The following PRKCQ variants were observed in gnomAD, a reference collection of about 807,000 sequenced individuals.
PRKCQ encodes the protein protein kinase C theta type.
In PRKCQ, 41 loss-of-function variants were observed where a neutral mutation model predicts 91.2. That is an observed-to-expected ratio of 0.45 (90% CI 0.35 to 0.58). The LOEUF (loss-of-function observed/expected upper bound fraction) is 0.58, where lower values mean the gene tolerates loss of function less well. Among genes scored for constraint, PRKCQ ranks in the 20% least tolerant of loss-of-function variants. The pLI is 0.00. For synonymous variants in PRKCQ, 307 were observed against 316.9 expected (o/e 0.97, Z 0.33); for missense variants, 673 against 896.5 (o/e 0.75, Z 3.18).
Position 6,553,517 on chromosome 10 carries a change from ACAAAC to A in PRKCQ, c.-10+26689_-10+26693del, listed in dbSNP as rs1372815498. On this transcript the variant is annotated intron_variant, in intron 1 of 17. Transcript: ENST00000263125. ...AAAAAAAAAAAAAAAAAAAAAAAAA[ACAAAC>A]AAACAAAAGAAGAAGAAGAAGAAAG... Among the ~76,000 whole-genome samples the A allele has an allele frequency of 6.8e-4, 98 of 145,182 alleles. 2 individuals are homozygous for A. Among genetic ancestry groups the A allele is most frequent in the African/African-American group, 2.6e-3 (94 of 36,090 alleles).
At chr10:6,395,531 G>A in the PRKCQ span, among the ~76,000 whole-genome samples, 1 of 152,138 alleles carries the variant, frequency 6.6e-6, no homozygotes, top group African/African-American at 2.4e-5. Context: ...AGCAGCTTAG[G>A]GAGGGTCAGA....
At chr10:6,510,412 A>G (rs1373766859) in intron 3 of PRKCQ, among the ~76,000 whole-genome samples, 1 of 152,238 alleles carries the variant, frequency 6.6e-6, no homozygotes, top group East Asian at 1.9e-4. Flanking sequence ...CAAAGTATAG[A>G]GAGAGAAGAC....
At chr10:6,496,749 A>G (rs1342122194) in intron 7 of PRKCQ, among the ~76,000 whole-genome samples, 3 of 151,306 alleles carry the variant, frequency 2.0e-5, no homozygotes, top group Non-Finnish European at 2.9e-5. Context: ...GTCCTGGTTC[A>G]CTGCAACCTC....
chr10:6,427,595 C>A lies in PRKCQ; in HGVS notation c.*612G>T, dbSNP rs1363488467. Reference sequence around the variant, plus strand: ...TCTCACTTTCCACTTGTCCTCTTGACCATGGATTTCATGCCCAATCAGGAT... The same window carrying A: ...TCTCACTTTCCACTTGTCCTCTTGAACATGGATTTCATGCCCAATCAGGAT... On this transcript the variant is annotated 3_prime_UTR_variant, in exon 18 of 18. Coordinates refer to ENST00000263125, the MANE Select transcript of PRKCQ (RefSeq NM_006257.5). 6.6e-6 allele frequency: 1 copy of A among 152,446 alleles called. No homozygotes were observed. Among genetic ancestry groups the A allele is most frequent in the Non-Finnish European group, 1.5e-5 (1 of 68,248 alleles). 9.4% of individuals were successfully genotyped at this position (152,446 alleles called of 1,614,324 possible).
Position 6,497,113 on chromosome 10 carries a change from A to G in PRKCQ, c.582T>C (p.Asn194=). Reference sequence around the variant, plus strand: ...CAATACACTTCTTGTGAATTGCTGCATTGCATTCTGAAAAGAAGAAAAAAA... The same window carrying G: ...CAATACACTTCTTGTGAATTGCTGCGTTGCATTCTGAAAAGAAGAAAAAAA... ...NKQGYQCRQC[N]AAIHKKCIDK... The change falls in exon 7 of 18, where the codon AAT becomes AAC. Residue 194 remains asparagine, a synonymous_variant. Coordinates refer to ENST00000263125, the MANE Select transcript of PRKCQ (RefSeq NM_006257.5). The surrounding 1 kb of genome is among the most constrained non-coding windows in gnomAD (Gnocchi z 4.5). 1.2e-6 allele frequency: 2 copies of G among 1,614,042 alleles called. No individual in the cohort carries two copies. Among genetic ancestry groups the G allele is most frequent in the Non-Finnish European group, 1.7e-6 (2 of 1,179,976 alleles).
chr10:6,435,372 G>GGAAT, intron 16 of PRKCQ, among the ~76,000 whole-genome samples: 1 of 152,308 alleles, frequency 6.6e-6, no homozygotes, highest in East Asian at 1.9e-4. Context: ...TCTGAGAAAG[G>GGAAT]GCATTACCTT....
intron 8 of PRKCQ, among the ~76,000 whole-genome samples, chr10:6,487,959 C>A (rs629786): frequency 6.8e-6 from 1 of 146,578 alleles, no homozygotes; most frequent in Non-Finnish European, 1.5e-5. Flanking sequence ...GAGCTGAGAT[C>A]GTGCCACTGT....
chr10:6,394,957 C>G, the PRKCQ span, among the ~76,000 whole-genome samples: 6 of 152,100 alleles, frequency 3.9e-5, no homozygotes, highest in Non-Finnish European at 7.4e-5. Context: ...AGTGGGTTCA[C>G]CTTGCCCGCC....
chr10:6,447,729 G>A (rs959877249), intron 15 of PRKCQ, among the ~76,000 whole-genome samples: 2 of 152,206 alleles, frequency 1.3e-5, no homozygotes, highest in African/African-American at 4.8e-5. Flanking sequence ...GCAGTTGTGT[G>A]TTCCTGTGTT....
At chr10:6,543,778 TG>T (rs1839856325) in intron 1 of PRKCQ, among the ~76,000 whole-genome samples, 1 of 152,130 alleles carries the variant, frequency 6.6e-6, no homozygotes. Flanking sequence ...TGGAGGAAAC[TG>T]GGGGGTCGGC....
chr10:6,452,605 G>C (rs919020219), intron 15 of PRKCQ, among the ~76,000 whole-genome samples: 1 of 149,114 alleles, frequency 6.7e-6, no homozygotes, highest in Non-Finnish European at 1.5e-5. Flanking sequence ...AAAAGAACCC[G>C]CATCACCAAG....
the PRKCQ span, among the ~76,000 whole-genome samples, chr10:6,399,922 A>G: frequency 1.3e-5 from 2 of 151,958 alleles, no homozygotes; most frequent in Admixed American, 1.3e-4. Flanking sequence ...TCTGGCATCA[A>G]TCGGGGGTTG....
At chr10:6,415,354 C>T in the PRKCQ span, among the ~76,000 whole-genome samples, 1 of 143,824 alleles carries the variant, frequency 7.0e-6, no homozygotes, top group East Asian at 2.0e-4. Flanking sequence ...ATATTGTAAT[C>T]AAATTTCTTA....
chr10:6,443,127 T>A (rs1334312884), intron 15 of PRKCQ, among the ~76,000 whole-genome samples: 1 of 152,086 alleles, frequency 6.6e-6, no homozygotes, highest in East Asian at 1.9e-4. Flanking sequence ...ACCAACCCAC[T>A]CTTCTGGCAA....
At chr10:6,422,862 T>C (rs558390731), downstream of PRKCQ, among the ~76,000 whole-genome samples, 6 of 152,352 alleles carry the variant, frequency 3.9e-5, no homozygotes, top group South Asian at 6.2e-4. Flanking sequence ...TGAGACATCA[T>C]TGATCACTGT....
chr10:6,560,773 C>G (rs970946339), intron 1 of PRKCQ, among the ~76,000 whole-genome samples: 2 of 152,180 alleles, frequency 1.3e-5, no homozygotes, highest in Non-Finnish European at 2.9e-5. Context: ...GGCGCGGTGT[C>G]TCATGTCTGT....
At position 6,457,139 on chromosome 10, in the gene PRKCQ, T is replaced by A. The variant is rs148993285; in HGVS notation, c.1509-327A>T. ...AGGAGGAAAACCTAAAAAATATACTTACTGTATGCCATTTTCTACATATTT... is the reference window on the plus strand; with the variant it reads ...AGGAGGAAAACCTAAAAAATATACTAACTGTATGCCATTTTCTACATATTT... On this transcript the variant is annotated intron_variant, in intron 14 of 17. Coordinates refer to ENST00000263125, the MANE Select transcript of PRKCQ (RefSeq NM_006257.5). Among the ~76,000 whole-genome samples, 164 of 152,324 alleles carry A rather than the reference T, an allele frequency of 1.1e-3. 3 individuals are homozygous for A. The East Asian group carries it at 0.029, about 27-fold the overall frequency.
downstream of PRKCQ, among the ~76,000 whole-genome samples, chr10:6,426,508 G>C (rs1833126729): frequency 6.6e-6 from 1 of 152,168 alleles, no homozygotes; most frequent in Non-Finnish European, 1.5e-5. Context: ...GAGGTTTGTA[G>C]TCATGGTGCT....
intron 1 of PRKCQ, among the ~76,000 whole-genome samples, chr10:6,577,791 A>T (rs1841300221): frequency 6.6e-6 from 1 of 152,214 alleles, no homozygotes; most frequent in African/African-American, 2.4e-5. Context: ...AACAGGAAGT[A>T]CTAACTCTAA....
Sources: gnomAD v4.1 joint callset for allele counts (sites outside exome capture counted in the v4.1 genomes callset) on GRCh38, gnomAD v4.1.1 for gene constraint, Gnocchi (gnomAD v3.1) non-coding constraint, MANE v1.5 for transcripts, NCBI Gene and HGNC (gene_info 2026-07-23, HGNC 2026-07-21) for gene names.